The following PRKCB variants were observed in gnomAD, a reference collection of about 807,000 sequenced individuals.
PRKCB encodes the protein protein kinase C beta.
PRKCB carries 13 observed loss-of-function variants against 81.5 expected under a neutral mutation model. The observed-to-expected ratio is 0.16, with a 90% CI of 0.10 to 0.25. The LOEUF is 0.25. Among genes scored for constraint, PRKCB ranks in the 10% least tolerant of loss-of-function variants. The probability of loss-of-function intolerance (pLI) is 1.00; values close to 1 mark genes in which losing one functional copy is unlikely to be tolerated. For missense variants in PRKCB, 509 were observed against 875.7 expected, an observed-to-expected ratio of 0.58 and a Z score of 5.29; for synonymous variants, 335 against 321.4, an observed-to-expected ratio of 1.04 and a Z score of -0.45.
chr16:24,198,982 T>C (rs1307437327), intron 16 of PRKCB, among the ~76,000 whole-genome samples: 1 of 152,208 alleles, frequency 6.6e-6, no homozygotes, highest in Non-Finnish European at 1.5e-5. Context: ...AACCCACTTG[T>C]ATGACAGACT....
chr16:23,950,563 T>C (rs1964267454), intron 2 of PRKCB, among the ~76,000 whole-genome samples: 1 of 152,190 alleles, frequency 6.6e-6, no homozygotes, highest in South Asian at 2.1e-4. Flanking sequence ...TGAGTTCCTT[T>C]TAAAATAGGC....
chr16:24,094,821 A>AAGGG (rs1271652666), intron 7 of PRKCB, among the ~76,000 whole-genome samples: 1 of 135,328 alleles, frequency 7.4e-6, no homozygotes, highest in African/African-American at 3.3e-5. Flanking sequence ...GGAAGGAAGG[A>AAGGG]AGGAAGGAAG....
At chr16:24,007,954 GC>G (rs1965148586) in intron 3 of PRKCB, among the ~76,000 whole-genome samples, 1 of 150,498 alleles carries the variant, frequency 6.6e-6, no homozygotes, top group South Asian at 2.1e-4. Context: ...CCTCATGAGG[GC>G]TCCCCCACCT....
chr16:23,936,168 A>T (rs1964054978), intron 2 of PRKCB, among the ~76,000 whole-genome samples: 1 of 150,552 alleles, frequency 6.6e-6, no homozygotes, highest in African/African-American at 2.4e-5. Context: ...AAAAGATGAC[A>T]TACTGCAACC....
intron 9 of PRKCB, among the ~76,000 whole-genome samples, chr16:24,148,963 G>A (rs1006939616): frequency 6.6e-6 from 1 of 152,170 alleles, no homozygotes; most frequent in Non-Finnish European, 1.5e-5. Flanking sequence ...TAAAACAACA[G>A]CCATCCTATA....
At chr16:23,907,992 T>C (rs1963588088) in intron 2 of PRKCB, among the ~76,000 whole-genome samples, 1 of 152,128 alleles carries the variant, frequency 6.6e-6, no homozygotes, top group Non-Finnish European at 1.5e-5. Context: ...ATGGGTGTAT[T>C]GTTGGGGGCA....
intron 10 of PRKCB, among the ~76,000 whole-genome samples, chr16:24,163,766 G>A (rs780652341): frequency 7.9e-5 from 12 of 152,338 alleles, no homozygotes; most frequent in Admixed American, 6.5e-5. Context: ...CTTGACATGC[G>A]TCATCTGATG....
chr16:24,143,138 AT>A (rs1454742201), intron 9 of PRKCB, among the ~76,000 whole-genome samples: 3 of 151,570 alleles, frequency 2.0e-5, no homozygotes, highest in Non-Finnish European at 4.4e-5. Flanking sequence ...TTATTATTTC[AT>A]TTATTTATTT....
intron 9 of PRKCB, among the ~76,000 whole-genome samples, chr16:24,140,085 T>C (rs1216650989): frequency 6.6e-6 from 1 of 152,236 alleles, no homozygotes; most frequent in Non-Finnish European, 1.5e-5. Context: ...GGCAAGTGCA[T>C]TTGATTCCTT....
At chr16:24,043,216 A>G (rs11074602) in intron 5 of PRKCB, among the ~76,000 whole-genome samples, 31,992 of 152,154 alleles carry the variant, frequency 0.21, 4,049 homozygotes, top group South Asian at 0.4. Flanking sequence ...AGCTCTGGCT[A>G]TTGGGATGTC....
chr16:24,042,622 A>G (rs1313106684), intron 5 of PRKCB, among the ~76,000 whole-genome samples: 1 of 151,900 alleles, frequency 6.6e-6, no homozygotes, highest in African/African-American at 2.4e-5. Flanking sequence ...GCAGACACCA[A>G]TTCGATTTCC....
Position 24,096,255 on chromosome 16 carries a change from C to T in PRKCB, c.821+1958C>T, listed in dbSNP as rs150519937. Among the ~76,000 whole-genome samples, 1,006 of 152,194 alleles carry T rather than the reference C, an allele frequency of 6.6e-3. 6 individuals carry two copies. The highest frequency in any genetic ancestry group is 0.031 in the Middle Eastern group (9 of 294). On this transcript the variant is annotated intron_variant, in intron 7 of 16. Transcript: ENST00000643927. ...CAGCCTGGGTGACAGAGCAAGACTCCATCTCAAAATAAAATGAAATAAAAT... is the reference window on the plus strand; with the variant it reads ...CAGCCTGGGTGACAGAGCAAGACTCTATCTCAAAATAAAATGAAATAAAAT...
intron 2 of PRKCB, among the ~76,000 whole-genome samples, chr16:23,859,728 C>A (rs1292498410): frequency 6.6e-6 from 1 of 151,968 alleles, no homozygotes; most frequent in Non-Finnish European, 1.5e-5. Context: ...AGTTGAAGTA[C>A]CCGGGGATGT....
chr16:24,041,518 G>T (rs963320948), intron 5 of PRKCB, among the ~76,000 whole-genome samples: 12 of 147,272 alleles, frequency 8.1e-5, no homozygotes, highest in African/African-American at 2.6e-4. Context: ...AAAGAAAGCA[G>T]AAAGAACCTT....
intron 3 of PRKCB, among the ~76,000 whole-genome samples, chr16:24,021,195 TTTC>T (rs1965384810): frequency 3.4e-5 from 1 of 29,278 alleles, no homozygotes; most frequent in Non-Finnish European, 5.8e-5. Flanking sequence ...TTCCTCTTTC[TTTC>T]TTTCTTTCTT....
chr16:23,908,474 T>C (rs1003143941), intron 2 of PRKCB, among the ~76,000 whole-genome samples: 2 of 152,018 alleles, frequency 1.3e-5, no homozygotes, highest in African/African-American at 4.8e-5. Context: ...TGTTGGGAGA[T>C]AGAGAGCCAG....
At chr16:24,129,155 A>G (rs1966849328) in intron 9 of PRKCB, among the ~76,000 whole-genome samples, 1 of 152,180 alleles carries the variant, frequency 6.6e-6, no homozygotes, top group African/African-American at 2.4e-5. Context: ...GAGATTTCAT[A>G]TGTGCTCATG....
chr16:23,936,458 G>T (rs1964058796), intron 2 of PRKCB, among the ~76,000 whole-genome samples: 1 of 152,034 alleles, frequency 6.6e-6, no homozygotes, highest in South Asian at 2.1e-4. Flanking sequence ...TCTCACCCAG[G>T]TTGCAGTACA....
At position 24,180,864 on chromosome 16, in the gene PRKCB, A is replaced by G; in HGVS notation, c.1469A>G (p.Glu490Gly). 6.2e-7 allele frequency: 1 copy of G among 1,614,188 alleles called. No individual in the cohort carries two copies. Among genetic ancestry groups the G allele is most frequent in the Non-Finnish European group, 8.5e-7 (1 of 1,180,026 alleles). ...IKIADFGMCK[E>G]NIWDGVTTKT... ...ATTGCCGATTTTGGCATGTGTAAGG[A>G]AAACATCTGGGATGGGGTGACAACC... is the stretch of plus-strand genomic sequence containing the variant. Residue 490 changes from glutamate (E) to glycine (G), a missense_variant, in exon 13 of 17, where the codon GAA (glutamate) becomes GGA (glycine). Physicochemically the swap from Glu to Gly is moderately conservative, Grantham distance 98. Around this residue, in one of 6 missense-constraint regions of PRKCB, gnomAD observed 106 missense variants for 214.0 expected, o/e 0.50. Transcript: ENST00000643927.
Sources: allele counts gnomAD v4.1 joint callset (sites outside exome capture counted in the v4.1 genomes callset), GRCh38; gene constraint gnomAD v4.1.1; regional missense constraint gnomAD v4.1.1; transcripts MANE v1.5; gene names NCBI Gene and HGNC (gene_info 2026-07-23, HGNC 2026-07-21).